The following LGSN variants were observed in gnomAD, a reference collection of about 807,000 sequenced individuals.
The protein encoded by LGSN is lengsin, lens protein with glutamine synthetase domain, also known as lengsin.
Under a neutral mutation model 19.5 loss-of-function variants are expected in LGSN, and 21 were observed. The ratio of observed to expected loss-of-function variants is 1.07; its 90% CI spans 0.76 to 1.55. The LOEUF (loss-of-function observed/expected upper bound fraction) is 1.55, where lower values mean the gene tolerates loss of function less well. Ranked by LOEUF, LGSN falls within the 40% of genes most tolerant of loss-of-function variation. The probability of loss-of-function intolerance (pLI) is 0.00; values close to 1 mark genes in which losing one functional copy is unlikely to be tolerated. For synonymous variants in LGSN, 257 were observed against 215.6 expected, an observed-to-expected ratio of 1.19 and a Z score of -1.68; for missense variants, 673 against 608.5, an observed-to-expected ratio of 1.11 and a Z score of -1.12.
Position 63,279,953 on chromosome 6 carries a change from C to A in LGSN, c.*68G>T. 2.1e-6 allele frequency: 3 copies of A among 1,403,454 alleles called. No individual in the cohort carries two copies. In the South Asian group the frequency reaches 4.4e-5, roughly 20 times the overall value. The allele number at this position is 1,403,454 out of a possible 1,614,324, so 86.9% of individuals were successfully genotyped here. On this transcript the variant is annotated 3_prime_UTR_variant, in exon 4 of 4. Coordinates refer to ENST00000370657, the MANE Select transcript of LGSN (RefSeq NM_016571.3). ...CTGTTGTTAATTACAAAAGTTCAGT[C>A]TTTTTGTTTTGGTAGATTAGCTTTA...
chr6:63,522,326 C>A, the LGSN span, among the ~76,000 whole-genome samples: 2 of 152,132 alleles, frequency 1.3e-5, no homozygotes, highest in East Asian at 3.9e-4. Flanking sequence ...AAACCATATT[C>A]ATGATGTAAA....
upstream of LGSN, among the ~76,000 whole-genome samples, chr6:63,320,872 T>C (rs546827740): frequency 6.6e-6 from 1 of 152,222 alleles, no homozygotes; most frequent in African/African-American, 2.4e-5. Flanking sequence ...CAATCCTGCC[T>C]GACTCTCTTG....
chr6:63,359,779 AC>A, the LGSN span, among the ~76,000 whole-genome samples: 2 of 151,882 alleles, frequency 1.3e-5, no homozygotes, highest in African/African-American at 2.4e-5. Flanking sequence ...CTTTTCAAAA[AC>A]CCAGTTCCTG....
At chr6:63,412,438 GAAAGCA>G in the LGSN span, among the ~76,000 whole-genome samples, 6 of 128,928 alleles carry the variant, frequency 4.7e-5, no homozygotes, top group African/African-American at 1.7e-4. Flanking sequence ...AAGAAAGAAA[GAAAGCA>G]AGAAAGAAAG....
intron 1 of LGSN, among the ~76,000 whole-genome samples, chr6:63,307,922 G>A (rs1243422445): frequency 2.0e-5 from 3 of 152,190 alleles, no homozygotes; most frequent in African/African-American, 4.8e-5. Flanking sequence ...GATTCTTAGA[G>A]TGGGGCAGTG....
At chr6:63,546,517 C>A in the LGSN span, among the ~76,000 whole-genome samples, 2 of 152,126 alleles carry the variant, frequency 1.3e-5, no homozygotes, top group African/African-American at 4.8e-5. Flanking sequence ...ACCAGCCTGA[C>A]CAATATGGTG....
the LGSN span, among the ~76,000 whole-genome samples, chr6:63,336,425 T>C: frequency 6.6e-6 from 1 of 151,902 alleles, no homozygotes; most frequent in Non-Finnish European, 1.5e-5. Context: ...TGCACTTACT[T>C]ATGCTTCAGA....
the LGSN span, among the ~76,000 whole-genome samples, chr6:63,547,299 C>G: frequency 6.6e-6 from 1 of 150,992 alleles, no homozygotes; most frequent in Non-Finnish European, 1.5e-5. Context: ...AAGTGATTCT[C>G]CTGTCTCAGC....
the LGSN span, among the ~76,000 whole-genome samples, chr6:63,501,849 T>G: frequency 6.6e-6 from 1 of 152,180 alleles, no homozygotes; most frequent in East Asian, 1.9e-4. Context: ...CAGGCTAGAG[T>G]GCAGTGGCAC....
Position 63,281,013 on chromosome 6 carries a change from G to A in LGSN, c.538C>T (p.Leu180Phe). 6.2e-7 allele frequency: 1 copy of A among 1,614,124 alleles called. No individual in the cohort carries two copies. The highest frequency in any genetic ancestry group is 8.5e-7 in the Non-Finnish European group (1 of 1,180,020). The part of the protein sequence containing the change: ...CDTFTVTGEP[L>F]LTSPRYIAKR... ...GCAATGTACCTTGGGGAAGTCAAAA[G>A]AGGCTCACCAGTCACAGTGAAGGTA... is the stretch of plus-strand genomic sequence containing the variant. The change falls in exon 4 of 4, where the codon CTT becomes TTT. Residue 180 changes from leucine to phenylalanine, a missense_variant. Transcript: ENST00000370657.
chr6:63,560,688 G>T, the LGSN span, among the ~76,000 whole-genome samples: 128 of 152,170 alleles, frequency 8.4e-4, 3 homozygotes, highest in East Asian at 0.018. Flanking sequence ...ACAGGTGTGA[G>T]CCACCGCACC....
chr6:63,386,346 G>A, the LGSN span, among the ~76,000 whole-genome samples: 1 of 152,066 alleles, frequency 6.6e-6, no homozygotes, highest in Non-Finnish European at 1.5e-5. Flanking sequence ...CCTTGATCCA[G>A]CCATTGAGAA....
At chr6:63,548,299 T>G in the LGSN span, among the ~76,000 whole-genome samples, 1 of 152,248 alleles carries the variant, frequency 6.6e-6, no homozygotes, top group Non-Finnish European at 1.5e-5. Flanking sequence ...TACCTCAGTT[T>G]CCTCATCTGC....
chr6:63,357,059 C>T, the LGSN span, among the ~76,000 whole-genome samples: 1 of 148,180 alleles, frequency 6.7e-6, no homozygotes, highest in South Asian at 2.1e-4. Context: ...TCAATTCCCA[C>T]CTATGAGTGA....
At chr6:63,488,212 C>T in the LGSN span, among the ~76,000 whole-genome samples, 4 of 152,260 alleles carry the variant, frequency 2.6e-5, no homozygotes, top group East Asian at 5.8e-4. Context: ...TGAGAATATA[C>T]ACCTTTTATC....
chr6:63,341,607 G>A, the LGSN span, among the ~76,000 whole-genome samples: 1 of 152,192 alleles, frequency 6.6e-6, no homozygotes, highest in African/African-American at 2.4e-5. Context: ...CTGGGATATA[G>A]GACACTGCAT....
At chr6:63,473,887 A>G in the LGSN span, among the ~76,000 whole-genome samples, 21 of 148,530 alleles carry the variant, frequency 1.4e-4, no homozygotes, top group African/African-American at 5.3e-4. Context: ...GATATACATC[A>G]TAATCATTTA....
chr6:63,371,051 G>T, the LGSN span, among the ~76,000 whole-genome samples: 1 of 152,168 alleles, frequency 6.6e-6, no homozygotes, highest in Non-Finnish European at 1.5e-5. Flanking sequence ...GGAAAGTCTA[G>T]CATCTAGCAT....
Position 63,285,674 on chromosome 6 carries a change from G to A in LGSN, c.243C>T (p.Ala81=). 6.2e-7 allele frequency: 1 copy of A among 1,613,842 alleles called. No homozygotes were observed. The highest frequency in any genetic ancestry group is 8.5e-7 in the Non-Finnish European group (1 of 1,179,866). The stretch of plus-strand genomic sequence containing the variant: ...ATCGTACAAACTGGAGGCGATTTTT[G>A]GCCATGGCTTGTCTAATGTGTTTCA... ...SRMKHIRQAM[A]KNRLQFVRFE... is the part of the protein sequence containing the mutation. Residue 81 remains alanine (A), a synonymous_variant, in exon 3 of 4, where the codon GCC becomes GCT. Transcript: ENST00000370657.
Sources: allele counts gnomAD v4.1 joint callset (sites outside exome capture counted in the v4.1 genomes callset), GRCh38; gene constraint gnomAD v4.1.1; transcripts MANE v1.5; gene names NCBI Gene and HGNC (gene_info 2026-07-23, HGNC 2026-07-21).